TNIK: variants seen among roughly 807,000 people sequenced by gnomAD.
The protein encoded by TNIK is TRAF2 and NCK interacting kinase, also known as TRAF2 and NCK-interacting protein kinase.
Under a neutral mutation model 191.3 loss-of-function variants are expected in TNIK, and 49 were observed. The observed-to-expected ratio is 0.26, with a 90% CI of 0.20 to 0.32. The LOEUF (loss-of-function observed/expected upper bound fraction) is 0.32. Among genes scored for constraint, TNIK ranks in the 10% least tolerant of loss-of-function variants. TNIK has a pLI of 1.00. For synonymous variants in TNIK, 594 were observed against 600.9 expected (o/e 0.99, Z 0.17); for missense variants, 1,155 against 1,702.3 (o/e 0.68, Z 5.66).
chr3:171,351,269 A>ATGTG (rs140083535), intron 2 of TNIK, among the ~76,000 whole-genome samples: 29 of 146,958 alleles, frequency 2.0e-4, no homozygotes, highest in East Asian at 4.0e-4. Flanking sequence ...ATATATGTAT[A>ATGTG]TATGTGTGTG....
chr3:171,173,220 T>TA (rs35147904), intron 9 of TNIK, among the ~76,000 whole-genome samples: 75,435 of 132,974 alleles, frequency 0.57, 21,285 homozygotes, highest in East Asian at 0.85. Context: ...CTGTCTCTAC[T>TA]AAAAAAAAAA....
chr3:171,081,997 A>G (rs562795502), intron 27 of TNIK, among the ~76,000 whole-genome samples: 1 of 152,330 alleles, frequency 6.6e-6, no homozygotes, highest in African/African-American at 2.4e-5. Context: ...TGACAGAGGT[A>G]AAGAGCTATA....
intron 2 of TNIK, among the ~76,000 whole-genome samples, chr3:171,285,237 T>TAATA (rs1026351915): frequency 6.6e-6 from 1 of 152,240 alleles, no homozygotes; most frequent in Non-Finnish European, 1.5e-5. Context: ...TATAAATTGT[T>TAATA]AATAAATAAA....
At chr3:171,353,216 C>A (rs1172240197) in intron 2 of TNIK, among the ~76,000 whole-genome samples, 1 of 152,178 alleles carries the variant, frequency 6.6e-6, no homozygotes, top group Non-Finnish European at 1.5e-5. Flanking sequence ...TGACTGAACT[C>A]TTGCACTGAG....
At chr3:171,109,469 T>C (rs920427380) in intron 19 of TNIK, among the ~76,000 whole-genome samples, 1 of 152,202 alleles carries the variant, frequency 6.6e-6, no homozygotes, top group African/African-American at 2.4e-5. Flanking sequence ...GACGTGAACA[T>C]CAATCACATG....
intron 18 of TNIK, among the ~76,000 whole-genome samples, chr3:171,112,522 C>T (rs1726000145): frequency 6.6e-6 from 1 of 152,106 alleles, no homozygotes; most frequent in African/African-American, 2.4e-5. Context: ...GGAAGGAACA[C>T]ACATAATCTC....
chr3:171,242,463 G>A (rs1320256084), intron 2 of TNIK, among the ~76,000 whole-genome samples: 1 of 151,632 alleles, frequency 6.6e-6, no homozygotes, highest in Non-Finnish European at 1.5e-5. Flanking sequence ...AATCACATTG[G>A]TTGGGTCTTA....
At chr3:171,307,723 G>A (rs1297995774) in intron 2 of TNIK, among the ~76,000 whole-genome samples, 1 of 152,124 alleles carries the variant, frequency 6.6e-6, no homozygotes, top group Non-Finnish European at 1.5e-5. Context: ...AACATCTCCT[G>A]TCAATGGTCT....
At position 171,401,785 on chromosome 3, in the gene TNIK, A is replaced by C. The variant is rs536930871; in HGVS notation, c.58-32100T>G. 2.1e-3 allele frequency among the ~76,000 whole-genome samples: 324 copies of C among 152,312 alleles called. 1 individual carries two copies. Among genetic ancestry groups the C allele is most frequent in the Non-Finnish European group, 3.5e-3 (235 of 68,024 alleles). The stretch of plus-strand genomic sequence containing the variant: ...ATTTGGCATGAAAGAGCAAGGAAGT[A>C]ATTTAATATCAACCTCATAGGGCTG... On this transcript the variant is annotated intron_variant, in intron 1 of 32. Coordinates refer to ENST00000436636, the MANE Select transcript of TNIK (RefSeq NM_015028.4).
At chr3:171,346,940 A>T in intron 2 of TNIK, 1 of 510,822 alleles carries the variant, frequency 2.0e-6, no homozygotes, top group Non-Finnish European at 3.4e-6. Context: ...GACATGATCA[A>T]ATAAGCATTT....
At chr3:171,404,369 A>G (rs1483361884) in intron 1 of TNIK, among the ~76,000 whole-genome samples, 1 of 152,232 alleles carries the variant, frequency 6.6e-6, no homozygotes, top group Non-Finnish European at 1.5e-5. Context: ...TAAAAAAATT[A>G]AAAATTAACA....
chr3:171,332,291 C>T (rs1227475445), intron 2 of TNIK, among the ~76,000 whole-genome samples: 3 of 152,292 alleles, frequency 2.0e-5, no homozygotes, highest in South Asian at 2.1e-4. Flanking sequence ...CTACGTGGAA[C>T]ATTTAACTTG....
At chr3:171,319,948 C>T (rs997976325) in intron 2 of TNIK, among the ~76,000 whole-genome samples, 3 of 152,190 alleles carry the variant, frequency 2.0e-5, no homozygotes, top group African/African-American at 7.2e-5. Context: ...CATCAGCCCT[C>T]ACCCAATCTT....
At chr3:171,183,455 A>C (rs944291661) in intron 7 of TNIK, among the ~76,000 whole-genome samples, 2 of 152,196 alleles carry the variant, frequency 1.3e-5, no homozygotes, top group African/African-American at 4.8e-5. Context: ...TTCTTTTGAA[A>C]TGTTCCAGGT....
At chr3:171,333,605 CCTA>C (rs1460774558) in intron 2 of TNIK, among the ~76,000 whole-genome samples, 1 of 143,882 alleles carries the variant, frequency 7.0e-6, no homozygotes, top group African/African-American at 2.6e-5. Context: ...AAAAAAAAAA[CCTA>C]CAACACTGGA....
intron 2 of TNIK, among the ~76,000 whole-genome samples, chr3:171,319,558 T>C (rs1037238135): frequency 6.6e-6 from 1 of 152,154 alleles, no homozygotes; most frequent in African/African-American, 2.4e-5. Flanking sequence ...GGTTAGCAGG[T>C]TGGCTAGGAG....
In TNIK at chr3:171,314,636, T is replaced by C. The variant is rs539690977; in HGVS notation, c.123+54984A>G. Among the ~76,000 whole-genome samples, 4 of 152,336 alleles carry C rather than the reference T, an allele frequency of 2.6e-5. No homozygotes were observed. In the East Asian group the frequency reaches 7.7e-4, roughly 29 times the overall value. On this transcript the variant is annotated intron_variant, in intron 2 of 32. Transcript: ENST00000436636. ...GCTTGTTCATTCAAGAGATAGTTCC[T>C]GCATGCCTGCTGGGTGAGTGTGGTT...
At chr3:171,289,508 C>G (rs1028755671) in intron 2 of TNIK, among the ~76,000 whole-genome samples, 1 of 152,246 alleles carries the variant, frequency 6.6e-6, no homozygotes, top group Non-Finnish European at 1.5e-5. Flanking sequence ...TTCCTATCCT[C>G]TCACTATCCT....
At chr3:171,351,417 A>ATT (rs929190881) in intron 2 of TNIK, among the ~76,000 whole-genome samples, 37 of 152,272 alleles carry the variant, frequency 2.4e-4, no homozygotes, top group African/African-American at 8.9e-4. Flanking sequence ...CTTCTATATA[A>ATT]TTAATCAAAA....
Sources: allele counts gnomAD v4.1 joint callset (sites outside exome capture counted in the v4.1 genomes callset), GRCh38; gene constraint gnomAD v4.1.1; transcripts MANE v1.5; gene names NCBI Gene and HGNC (gene_info 2026-07-23, HGNC 2026-07-21).